RASAL2: variants seen among roughly 807,000 people sequenced by gnomAD.
The protein encoded by RASAL2 is RAS protein activator like 2, also known as ras GTPase-activating protein nGAP.
RASAL2 carries 58 observed loss-of-function variants against 128.9 expected under a neutral mutation model. That is an observed-to-expected ratio of 0.45 (90% CI 0.36 to 0.56). RASAL2 has a LOEUF of 0.56. RASAL2 is among the 20% of genes least tolerant of loss of function. The pLI, the probability that RASAL2 is intolerant of heterozygous loss-of-function variation, is 0.00. For missense variants in RASAL2, 1,360 were observed against 1,601.6 expected (o/e 0.85, Z 2.57); for synonymous variants, 561 against 580.8 (o/e 0.97, Z 0.49).
chr1:178,238,291 T>G (rs1664343974), intron 1 of RASAL2, among the ~76,000 whole-genome samples: 1 of 152,226 alleles, frequency 6.6e-6, no homozygotes, highest in African/African-American at 2.4e-5. Context: ...ATGGATATAC[T>G]ATATTTCATT....
intron 3 of RASAL2, among the ~76,000 whole-genome samples, chr1:178,378,602 T>C (rs1391098338): frequency 6.6e-6 from 1 of 152,142 alleles, no homozygotes; most frequent in Admixed American, 6.5e-5. Flanking sequence ...TAATAACAGT[T>C]GAACTAAGTT....
chr1:178,401,034 A>C (rs900715498), intron 4 of RASAL2, among the ~76,000 whole-genome samples: 7 of 152,232 alleles, frequency 4.6e-5, no homozygotes, highest in Admixed American at 4.6e-4. Context: ...TACAGGCGTG[A>C]GCCACCCCAC....
At chr1:178,329,859 G>A (rs1669206791) in intron 3 of RASAL2, among the ~76,000 whole-genome samples, 2 of 151,912 alleles carry the variant, frequency 1.3e-5, no homozygotes, top group African/African-American at 2.4e-5. Context: ...AAAAAAAAAG[G>A]ACAAGAGAAA....
intron 1 of RASAL2, among the ~76,000 whole-genome samples, chr1:178,280,741 A>G (rs944257374): frequency 1.3e-5 from 2 of 151,660 alleles, no homozygotes; most frequent in Non-Finnish European, 2.9e-5. Flanking sequence ...GAGCAAATCC[A>G]AAATTGTTTT....
At chr1:178,320,147 CG>C (rs1668687811) in intron 3 of RASAL2, among the ~76,000 whole-genome samples, 2 of 151,020 alleles carry the variant, frequency 1.3e-5, no homozygotes, top group South Asian at 4.2e-4. Context: ...GGCAGTCTGC[CG>C]GTTCTCAGAT....
intron 1 of RASAL2, among the ~76,000 whole-genome samples, chr1:178,181,916 C>T (rs1299976449): frequency 1.3e-5 from 2 of 151,998 alleles, no homozygotes; most frequent in South Asian, 2.1e-4. Flanking sequence ...ATGTTGATCA[C>T]CTTGTTGAGA....
rs1349327567 is a variant in RASAL2 at position 178,457,842 on chromosome 1, C to T, written c.2550C>T (p.Leu850=). The change falls in exon 14 of 18, where the codon CTC becomes CTT. Residue 850 remains leucine, a synonymous_variant. Transcript: ENST00000367649. ...SSLPNGRSVS[L]MDLQDTHAAQ... ...TTCCTAATGGTCGGAGCGTCTCCCT[C>T]ATGGACCTCCAGGACACTCATGCTG... The T allele has an allele frequency of 6.2e-7, 1 of 1,614,210 alleles. No homozygotes were observed. Among genetic ancestry groups the T allele is most frequent in the Non-Finnish European group, 8.5e-7 (1 of 1,180,034 alleles).
Position 178,458,521 on chromosome 1 carries a change from A to G in RASAL2, c.3229A>G (p.Ile1077Val). ...RESPVPKVRA[I>V]QRQQTQQVQS... is the part of the protein sequence containing the mutation. ...GAGCCCTGTTCCCAAAGTTAGAGCA[A>G]TCCAGAGACAACAGACACAGCAGGT... is the stretch of plus-strand genomic sequence containing the variant. Residue 1077 changes from isoleucine (I) to valine (V), a missense_variant, in exon 14 of 18, where the codon ATC becomes GTC. Physicochemically the swap from Ile to Val is conservative, Grantham distance 29. Transcript: ENST00000367649. 6.2e-7 allele frequency: 1 copy of G among 1,611,882 alleles called. No individual in the cohort carries two copies. Among genetic ancestry groups the G allele is most frequent in the Non-Finnish European group, 8.5e-7 (1 of 1,178,856 alleles).
At chr1:178,378,783 T>C (rs1385067444) in intron 3 of RASAL2, among the ~76,000 whole-genome samples, 2 of 152,172 alleles carry the variant, frequency 1.3e-5, no homozygotes, top group Non-Finnish European at 2.9e-5. Context: ...AAAATAGTTC[T>C]TAAATGAAAT....
chr1:178,210,583 G>A (rs533765231), intron 1 of RASAL2, among the ~76,000 whole-genome samples: 8 of 152,248 alleles, frequency 5.3e-5, no homozygotes, highest in South Asian at 4.1e-4. Flanking sequence ...CCTACTTTGC[G>A]GGAATGTTGT....
chr1:178,133,069 A>G (rs1469470065), intron 1 of RASAL2, among the ~76,000 whole-genome samples: 1 of 152,170 alleles, frequency 6.6e-6, no homozygotes, highest in African/African-American at 2.4e-5. Context: ...CCGGCCTACA[A>G]TTCAGAAATT....
At chr1:178,203,695 C>T (rs1662947449) in intron 1 of RASAL2, among the ~76,000 whole-genome samples, 1 of 152,158 alleles carries the variant, frequency 6.6e-6, no homozygotes, top group Non-Finnish European at 1.5e-5. Flanking sequence ...ACTTTGGGCT[C>T]CTCCTACCTT....
chr1:178,441,512 TG>T, intron 6 of RASAL2, 36 bp from the exon 7 acceptor site: 2 of 1,470,442 alleles, frequency 1.4e-6, no homozygotes, highest in Non-Finnish European at 1.9e-6. Flanking sequence ...TGAAATCCAG[TG>T]TTTTCTTTTT....
intron 1 of RASAL2, among the ~76,000 whole-genome samples, chr1:178,110,891 C>T (rs1404632694): frequency 1.3e-5 from 2 of 151,714 alleles, no homozygotes; most frequent in Non-Finnish European, 2.9e-5. Flanking sequence ...CCACTGCACC[C>T]GGCCATACTG....
chr1:178,179,663 G>A (rs1353374036), intron 1 of RASAL2, among the ~76,000 whole-genome samples: 5 of 152,142 alleles, frequency 3.3e-5, no homozygotes, highest in East Asian at 1.9e-4. Flanking sequence ...GGCAGCAGTC[G>A]GCTGTGTTTT....
chr1:178,408,626 G>GTTTTTTTTTTTTTTT (rs906805434), intron 4 of RASAL2, among the ~76,000 whole-genome samples: 1 of 146,058 alleles, frequency 6.8e-6, no homozygotes, highest in African/African-American at 2.7e-5. Context: ...TTTGTTTTTT[G>GTTTTTTTTTTTTTTT]TTTTGCTTCT....
In RASAL2 at chr1:178,458,218, A is replaced by G. The variant is rs1369593402; in HGVS notation, c.2926A>G (p.Thr976Ala). The G allele has an allele frequency of 1.1e-5, 18 of 1,614,136 alleles. No homozygotes were observed. The highest frequency in any genetic ancestry group is 1.4e-5 in the Non-Finnish European group (17 of 1,180,054). Residue 976 changes from threonine (T) to alanine (A), a missense_variant, in exon 14 of 18, where the codon ACT becomes GCT. This residue lies in a region of RASAL2 where 741 missense variants were observed against 868.6 expected (regional missense o/e 0.85). Transcript: ENST00000367649. ...GPSNSSMEDF[T>A]KRSTQSEDFS... ...CAGCAATAGCAGCATGGAAGATTTC[A>G]CTAAACGTAGCACTCAGAGTGAGGA...
chr1:178,213,422 G>A (rs1187831861), intron 1 of RASAL2, among the ~76,000 whole-genome samples: 1 of 152,144 alleles, frequency 6.6e-6, no homozygotes, highest in African/African-American at 2.4e-5. Context: ...AGAAAAGAGT[G>A]TAGACATCTA....
Position 178,467,389 on chromosome 1 carries a change from A to G in RASAL2, c.3646A>G (p.Ile1216Val). 1 of 1,614,138 alleles carries G rather than the reference A, an allele frequency of 6.2e-7. No individual in the cohort carries two copies. Among genetic ancestry groups the G allele is most frequent in the Non-Finnish European group, 8.5e-7 (1 of 1,179,970 alleles). The change falls in exon 17 of 18, where the codon ATT becomes GTT. Residue 1216 changes from isoleucine (I) to valine (V), a missense_variant. This residue lies in a region of RASAL2 where 741 missense variants were observed against 868.6 expected (regional missense o/e 0.85). Transcript: ENST00000367649. ...KKDHAEMQAVIDAKQKIIDAQ... is the reference protein window; with the variant it reads ...KKDHAEMQAVVDAKQKIIDAQ... ...GGATCATGCTGAGATGCAAGCAGTTATTGATGCAAAGCAGAAAATAATTGA... is the reference window on the plus strand; with the variant it reads ...GGATCATGCTGAGATGCAAGCAGTTGTTGATGCAAAGCAGAAAATAATTGA...
Sources: allele counts gnomAD v4.1 joint callset (sites outside exome capture counted in the v4.1 genomes callset), GRCh38; gene constraint gnomAD v4.1.1; regional missense constraint gnomAD v4.1.1; transcripts MANE v1.5; gene names NCBI Gene and HGNC (gene_info 2026-07-23, HGNC 2026-07-21).